Variants in GCN1 observed in about 807,000 individuals in gnomAD.
GCN1 encodes stalled ribosome sensor GCN1.
Under a neutral mutation model 288.4 loss-of-function variants are expected in GCN1, and 90 were observed. The observed-to-expected ratio is 0.31, with a 90% confidence interval of 0.26 to 0.37. The LOEUF is 0.37. Among genes scored for constraint, GCN1 ranks in the 10% least tolerant of loss-of-function variants. The pLI is 1.00. For synonymous variants in GCN1, 1,386 were observed against 1,420.2 expected (o/e 0.98, Z 0.54); for missense variants, 2,586 against 3,419.9 (o/e 0.76, Z 6.08).
chr12:120,166,443 G>A (rs1232803633), intron 16 of GCN1, among the ~76,000 whole-genome samples: 5 of 146,770 alleles, frequency 3.4e-5, no homozygotes, highest in African/African-American at 1.3e-4. Flanking sequence ...GGTGGCTCAC[G>A]CATGTAATCC....
At position 120,131,866 on chromosome 12, in the gene GCN1, G is replaced by T; in HGVS notation, c.7414+60C>A. On this transcript the variant is annotated intron_variant, in intron 54 of 57. Coordinates refer to ENST00000300648, the MANE Select transcript of GCN1 (RefSeq NM_006836.2). ...TGAGGGAGGGAGGGAGATGCCCGTC[G>T]ACTCTTCGCTAGGGCTGAGAGGCCC... 4 of 1,034,972 alleles carry T rather than the reference G, an allele frequency of 3.9e-6. No homozygotes were observed. In the South Asian group the frequency reaches 4.1e-5, roughly 11 times the overall value. 64.1% of individuals were successfully genotyped at this position (1,034,972 alleles called of 1,614,324 possible).
At chr12:120,145,967 T>A (rs1308847136) in intron 38 of GCN1, among the ~76,000 whole-genome samples, 8 of 152,198 alleles carry the variant, frequency 5.3e-5, no homozygotes, top group Non-Finnish European at 8.8e-5. Flanking sequence ...AATGTAATTT[T>A]AAAAATTAAC....
Position 120,144,311 on chromosome 12 carries a change from T to G in GCN1, c.5490A>C (p.Arg1830Ser). The G allele has an allele frequency of 1.2e-6, 2 of 1,614,176 alleles. No individual in the cohort carries two copies. Among genetic ancestry groups the G allele is most frequent in the Non-Finnish European group, 1.7e-6 (2 of 1,180,026 alleles). ...LEQGLFDDLW[R>S]IRFSSVQLLG... is the part of the protein sequence containing the mutation. ...CTTTCTGCCCAAGTTCTCACCTGATTCTCCAAAGGTCATCAAAGAGGCCTT... is the reference window on the plus strand; with the variant it reads ...CTTTCTGCCCAAGTTCTCACCTGATGCTCCAAAGGTCATCAAAGAGGCCTT... The change falls in exon 42 of 58, where the codon AGA (arginine) becomes AGC (serine). Residue 1830 changes from arginine to serine, a missense_variant. This residue lies in a region of GCN1 where 371 missense variants were observed against 572.6 expected (regional missense o/e 0.65). Coordinates refer to ENST00000300648, the MANE Select transcript of GCN1 (RefSeq NM_006836.2). The surrounding 1 kb of genome is among the most constrained non-coding windows in gnomAD (Gnocchi z 4.7).
At chr12:120,183,238 T>C (rs998038964) in intron 5 of GCN1, among the ~76,000 whole-genome samples, 1 of 152,182 alleles carries the variant, frequency 6.6e-6, no homozygotes, top group African/African-American at 2.4e-5. Flanking sequence ...TATTTTCTAG[T>C]CTACTTGATT....
In GCN1 at chr12:120,161,847, C is replaced by T. The variant is rs60723082; in HGVS notation, c.2342+33G>A. ...CACAAGAAAACTATGCCTTGGGGAGCAAAGGAAACTGAGCCCATAAGTGAG... is the reference window on the plus strand; with the variant it reads ...CACAAGAAAACTATGCCTTGGGGAGTAAAGGAAACTGAGCCCATAAGTGAG... On this transcript the variant is annotated intron_variant, in intron 21 of 57. Transcript: ENST00000300648. 2.8e-4 allele frequency: 453 copies of T among 1,603,530 alleles called. No homozygotes were observed. In the African/African-American group the frequency reaches 5.3e-3, roughly 19 times the overall value.
At chr12:120,129,136 C>G in intron 57 of GCN1, 140 bp downstream of exon 57, 1 of 756,192 alleles carries the variant, frequency 1.3e-6, no homozygotes, top group Non-Finnish European at 2.2e-6. Context: ...GCCCCAGTCA[C>G]CCAAATCTTA....
At chr12:120,179,730 A>G (rs981034351) in intron 5 of GCN1, among the ~76,000 whole-genome samples, 2 of 151,252 alleles carry the variant, frequency 1.3e-5, no homozygotes, top group African/African-American at 4.9e-5. Flanking sequence ...TAGAATTCAG[A>G]GGAAAAAAGA....
intron 3 of GCN1, 136 bp downstream of exon 3, chr12:120,184,688 G>C: frequency 1.4e-6 from 1 of 713,720 alleles, no homozygotes; most frequent in Non-Finnish European, 2.5e-6. Context: ...AACTTGCCCA[G>C]GATCTAATGG....
chr12:120,158,598 C>T lies in GCN1; in HGVS notation c.2767G>A (p.Val923Met). The T allele has an allele frequency of 1.2e-6, 2 of 1,607,256 alleles. No homozygotes were observed. Among genetic ancestry groups the T allele is most frequent in the South Asian group, 2.2e-5 (2 of 89,482 alleles). ...LKALGTLVSH[V>M]TLRLLKPECV... The stretch of plus-strand genomic sequence containing the variant: ...TCTGGCTTCAGCAGGCGCAGGGTCA[C>T]GTGGCTCACCAAAGTGCCTGTGTTG... The change falls in exon 25 of 58, where the codon GTG becomes ATG. Residue 923 changes from valine to methionine, a missense_variant. Coordinates refer to ENST00000300648, the MANE Select transcript of GCN1 (RefSeq NM_006836.2). This position sits in a 1 kb window ranked among gnomAD's most constrained non-coding sequence, Gnocchi z 4.3.
At chr12:120,167,425 G>A (rs771337613) in intron 16 of GCN1, among the ~76,000 whole-genome samples, 3 of 150,306 alleles carry the variant, frequency 2.0e-5, no homozygotes, top group Non-Finnish European at 2.9e-5. Context: ...GGTCTAGAAA[G>A]CACAGTACAT....
chr12:120,138,606 T>C (rs1566299134), intron 46 of GCN1, 89 bp downstream of exon 46: 1 of 1,375,200 alleles, frequency 7.3e-7, no homozygotes, highest in Non-Finnish European at 1.0e-6. Flanking sequence ...ACATTGCGAC[T>C]GCCTTGGCAG....
intron 16 of GCN1, among the ~76,000 whole-genome samples, chr12:120,166,176 G>A (rs1006480989): frequency 6.6e-5 from 10 of 151,872 alleles, no homozygotes; most frequent in Non-Finnish European, 1.5e-4. Flanking sequence ...GCCAAAGCAG[G>A]CAGGTCACCT....
At chr12:120,183,367 A>G (rs572673636) in intron 5 of GCN1, among the ~76,000 whole-genome samples, 1 of 152,314 alleles carries the variant, frequency 6.6e-6, no homozygotes, top group East Asian at 1.9e-4. Flanking sequence ...CTGACAGAGA[A>G]GCTCCAAAAT....
chr12:120,136,617 G>C lies in GCN1; in HGVS notation c.6893C>G (p.Ala2298Gly). Residue 2298 changes from alanine to glycine, a missense_variant, in exon 51 of 58, where the codon GCC (alanine) becomes GGC (glycine). Physicochemically the swap from Ala to Gly is moderately conservative, Grantham distance 60. This residue lies in a region of GCN1 where 437 missense variants were observed against 570.5 expected (regional missense o/e 0.77). Transcript: ENST00000300648. ...GLVIRLTSAD[A>G]LRPSVVSITG... Reference sequence around the variant, plus strand: ...GATGCTGACCACGGAGGGCCTCAGGGCGTCAGCCGAGGTCAGGCGGATTAC... The same window carrying C: ...GATGCTGACCACGGAGGGCCTCAGGCCGTCAGCCGAGGTCAGGCGGATTAC... 1.2e-6 allele frequency: 2 copies of C among 1,614,078 alleles called. No homozygotes were observed. The highest frequency in any genetic ancestry group is 1.7e-6 in the Non-Finnish European group (2 of 1,179,924).
At position 120,183,636 on chromosome 12, in the gene GCN1, G is replaced by C. The variant is rs1425228787; in HGVS notation, c.359C>G (p.Thr120Ser). 6.2e-7 allele frequency: 1 copy of C among 1,613,692 alleles called. No individual in the cohort carries two copies. The highest frequency in any genetic ancestry group is 1.3e-5 in the African/African-American group (1 of 74,920). The change falls in exon 5 of 58, where the codon ACC (threonine) becomes AGC (serine). Residue 120 changes from threonine to serine, a missense_variant. Thr to Ser is a moderately conservative substitution (Grantham distance 58, BLOSUM62 1). This residue lies in a region of GCN1 where 913 missense variants were observed against 1,107.0 expected (regional missense o/e 0.82). Coordinates refer to ENST00000300648, the MANE Select transcript of GCN1 (RefSeq NM_006836.2). ...GSAALLALTW[T>S]CLLVRIVFPS... is the part of the protein sequence containing the mutation. ...AAAGACAATGCGCACCAGGAGGCAG[G>C]TCCAGGTCAAGGCCAGCAAGGCGGC...
chr12:120,134,763 G>A lies in GCN1; in HGVS notation c.7009-37C>T. The stretch of plus-strand genomic sequence containing the variant: ...ACCCACATCCATGAAAGACAGTTGT[G>A]GTAGACCCAAAGCCACAGTGTACCA... On this transcript the variant is annotated intron_variant, in intron 51 of 57. Coordinates refer to ENST00000300648, the MANE Select transcript of GCN1 (RefSeq NM_006836.2). This position sits in a 1 kb window ranked among gnomAD's most constrained non-coding sequence, Gnocchi z 5.0. The A allele has an allele frequency of 6.3e-7, 1 of 1,579,100 alleles. No individual in the cohort carries two copies. The highest frequency in any genetic ancestry group is 8.7e-7 in the Non-Finnish European group (1 of 1,150,498).
In GCN1 at chr12:120,134,063, C is replaced by A. The variant is rs1364254948; in HGVS notation, c.7317+228G>T. ...GCCTGGGTGACACAGCAAGACTCAG[C>A]CAAAAAACAAACAAACAAACGGAAA... On this transcript the variant is annotated intron_variant, in intron 53 of 57. Transcript: ENST00000300648. This position sits in a 1 kb window ranked among gnomAD's most constrained non-coding sequence, Gnocchi z 5.0. Among the ~76,000 whole-genome samples the A allele has an allele frequency of 2.6e-5, 4 of 151,974 alleles. No homozygotes were observed. Among genetic ancestry groups the A allele is most frequent in the African/African-American group, 9.7e-5 (4 of 41,376 alleles).
intron 1 of GCN1, among the ~76,000 whole-genome samples, chr12:120,192,529 C>A (rs148684537): frequency 0.039 from 5,850 of 149,300 alleles, 170 homozygotes; most frequent in Non-Finnish European, 0.061. Context: ...AGATCGAGAC[C>A]ATCCTGGCCA....
At chr12:120,177,401 T>G (rs183807950) in intron 9 of GCN1, 46 bp downstream of exon 9, 1 of 920,052 alleles carries the variant, frequency 1.1e-6, no homozygotes, top group Non-Finnish European at 1.8e-6. Context: ...AATAGAGATA[T>G]AGGCAACTCA....
Sources: gnomAD v4.1 joint callset for allele counts (sites outside exome capture counted in the v4.1 genomes callset) on GRCh38, gnomAD v4.1.1 for gene constraint, gnomAD v4.1.1 regional missense constraint, Gnocchi (gnomAD v3.1) non-coding constraint, MANE v1.5 for transcripts, NCBI Gene and HGNC (gene_info 2026-07-23, HGNC 2026-07-21) for gene names.